Variants in RSRC1 observed in about 807,000 individuals in gnomAD.
RSRC1 encodes arginine and serine rich coiled-coil 1.
RSRC1 carries 39 observed loss-of-function variants against 49.1 expected under a neutral mutation model. That is an observed-to-expected ratio of 0.79 (90% CI 0.61 to 1.04). RSRC1 has a LOEUF of 1.04. Among genes scored for constraint, RSRC1 ranks in the 50% least tolerant of loss-of-function variants. The probability of loss-of-function intolerance (pLI) is 0.00; values close to 1 mark genes in which losing one functional copy is unlikely to be tolerated. For missense variants in RSRC1, 388 were observed against 402.4 expected (o/e 0.96, Z 0.31); for synonymous variants, 143 against 130.8 (o/e 1.09, Z -0.63).
intron 4 of RSRC1, among the ~76,000 whole-genome samples, chr3:158,209,834 TGTAA>T (rs987274661): frequency 6.6e-5 from 10 of 152,172 alleles, no homozygotes; most frequent in Non-Finnish European, 1.0e-4. Flanking sequence ...CTTAAAAAGC[TGTAA>T]GTATTATAAG....
intron 3 of RSRC1, among the ~76,000 whole-genome samples, chr3:158,145,980 G>T (rs763688145): frequency 2.0e-5 from 3 of 152,180 alleles, no homozygotes; most frequent in Non-Finnish European, 4.4e-5. Context: ...CATTGATTTT[G>T]TATCCTGAGA....
Position 158,478,041 on chromosome 3 carries a change from A to G in RSRC1, c.652+17038A>G, listed in dbSNP as rs961412615. Among the ~76,000 whole-genome samples the G allele has an allele frequency of 5.9e-5, 9 of 151,428 alleles. 1 individual carries two copies. Among genetic ancestry groups the G allele is most frequent in the African/African-American group, 1.9e-4 (8 of 41,298 alleles). ...AGCACTGTACTTCAGCCTAGACGAC[A>G]GAGTGAAACCCCCATCTCTAAATAT... On this transcript the variant is annotated intron_variant, in intron 7 of 9. Coordinates refer to ENST00000611884, the MANE Select transcript of RSRC1 (RefSeq NM_001271838.2).
At chr3:158,201,260 T>G (rs1453984598) in intron 3 of RSRC1, among the ~76,000 whole-genome samples, 1 of 152,170 alleles carries the variant, frequency 6.6e-6, no homozygotes, top group African/African-American at 2.4e-5. Flanking sequence ...AATGTGTTGT[T>G]TTTTCCTCTG....
intron 4 of RSRC1, among the ~76,000 whole-genome samples, chr3:158,265,976 C>T (rs373073227): frequency 3.9e-5 from 6 of 152,188 alleles, no homozygotes; most frequent in Admixed American, 1.3e-4. Flanking sequence ...CCACTGAAGC[C>T]TTGATAATTT....
chr3:158,255,923 C>A (rs977856718), intron 4 of RSRC1, among the ~76,000 whole-genome samples: 1 of 152,128 alleles, frequency 6.6e-6, no homozygotes, highest in African/African-American at 2.4e-5. Flanking sequence ...TATCCTGAGG[C>A]CTTGCTGAAG....
At chr3:158,472,693 G>T (rs1578520896) in intron 7 of RSRC1, among the ~76,000 whole-genome samples, 3 of 152,068 alleles carry the variant, frequency 2.0e-5, no homozygotes, top group South Asian at 2.1e-4. Context: ...GGGTTGTTTG[G>T]TTTTTTTCTT....
intron 5 of RSRC1, among the ~76,000 whole-genome samples, chr3:158,346,115 G>T (rs1463390233): frequency 6.6e-6 from 1 of 152,086 alleles, no homozygotes; most frequent in East Asian, 1.9e-4. Flanking sequence ...ATTAGGTAAA[G>T]ATTTCTTAAA....
At chr3:158,303,683 T>C (rs552217222) in intron 5 of RSRC1, 1 of 152,362 alleles carries the variant, frequency 6.6e-6, no homozygotes, top group East Asian at 1.9e-4. Flanking sequence ...GTGAAGAATC[T>C]AGATGTTTTC....
At chr3:158,424,289 G>A (rs956484655) in intron 6 of RSRC1, among the ~76,000 whole-genome samples, 2 of 151,192 alleles carry the variant, frequency 1.3e-5, no homozygotes, top group Non-Finnish European at 3.0e-5. Flanking sequence ...TTAGCATGAA[G>A]GGTTGTTGAA....
At chr3:158,383,526 T>C (rs1273004890) in intron 6 of RSRC1, among the ~76,000 whole-genome samples, 4 of 152,238 alleles carry the variant, frequency 2.6e-5, no homozygotes, top group South Asian at 4.1e-4. Flanking sequence ...CAAATCATTA[T>C]GGAGGGAAAA....
intron 4 of RSRC1, among the ~76,000 whole-genome samples, chr3:158,212,140 T>C (rs1290359000): frequency 2.6e-5 from 4 of 152,000 alleles, no homozygotes; most frequent in Non-Finnish European, 5.9e-5. Context: ...TCTGTCTTAG[T>C]TAACATTGTA....
intron 5 of RSRC1, among the ~76,000 whole-genome samples, chr3:158,298,828 G>A (rs1051243157): frequency 3.9e-5 from 6 of 152,126 alleles, no homozygotes; most frequent in Admixed American, 6.5e-5. Context: ...TGTAAATACA[G>A]TCTAAGTAGT....
At chr3:158,382,559 G>T (rs1296144921) in intron 6 of RSRC1, among the ~76,000 whole-genome samples, 3 of 152,150 alleles carry the variant, frequency 2.0e-5, no homozygotes, top group African/African-American at 4.8e-5. Flanking sequence ...GTGCATGATT[G>T]TAGGTCTCTT....
chr3:158,205,007 A>G (rs1420689339), intron 4 of RSRC1, among the ~76,000 whole-genome samples: 4 of 152,214 alleles, frequency 2.6e-5, no homozygotes, highest in African/African-American at 9.6e-5. Flanking sequence ...GGTTAGACTC[A>G]TCTCTCACTC....
chr3:158,303,674 T>G (rs963753440), intron 5 of RSRC1: 2 of 152,210 alleles, frequency 1.3e-5, no homozygotes, highest in African/African-American at 2.4e-5. Context: ...CTGAATCTGG[T>G]GAAGAATCTA....
chr3:158,142,883 C>G (rs1215133149), intron 3 of RSRC1, among the ~76,000 whole-genome samples: 1 of 152,148 alleles, frequency 6.6e-6, no homozygotes, highest in Non-Finnish European at 1.5e-5. Flanking sequence ...TCGTAGGCTT[C>G]CCTTAAGACA....
chr3:158,252,493 T>C (rs1285176074), intron 4 of RSRC1, among the ~76,000 whole-genome samples: 2 of 152,204 alleles, frequency 1.3e-5, no homozygotes, highest in Non-Finnish European at 2.9e-5. Flanking sequence ...TTCAGTTTGC[T>C]AGTATTTTGT....
intron 6 of RSRC1, among the ~76,000 whole-genome samples, chr3:158,365,264 A>G (rs543810533): frequency 2.6e-5 from 4 of 152,160 alleles, no homozygotes; most frequent in African/African-American, 9.6e-5. Context: ...CCTGTCATCT[A>G]CATTAGGTAT....
At chr3:158,519,801 G>T (rs1268443349) in intron 7 of RSRC1, among the ~76,000 whole-genome samples, 1 of 152,068 alleles carries the variant, frequency 6.6e-6, no homozygotes, top group Non-Finnish European at 1.5e-5. Flanking sequence ...AGATTTGAGG[G>T]TCACCAGCCT....
Sources: allele counts gnomAD v4.1 joint callset (sites outside exome capture counted in the v4.1 genomes callset), GRCh38; gene constraint gnomAD v4.1.1; transcripts MANE v1.5; gene names NCBI Gene and HGNC (gene_info 2026-07-23, HGNC 2026-07-21).